Variants in DHRSX observed in about 807,000 individuals in gnomAD.
The protein encoded by DHRSX is dehydrogenase/reductase X-linked.
DHRSX carries 31 observed loss-of-function variants against 34.0 expected under a neutral mutation model. The ratio of observed to expected loss-of-function variants is 0.91; its 90% CI spans 0.69 to 1.23. DHRSX has a LOEUF of 1.23. Among genes scored for constraint, DHRSX ranks in the 50% most tolerant of loss-of-function variants. DHRSX has a pLI of 0.00. For synonymous variants in DHRSX, 201 were observed against 183.8 expected, an observed-to-expected ratio of 1.09 and a Z score of -0.76; for missense variants, 414 against 428.1, an observed-to-expected ratio of 0.97 and a Z score of 0.29.
intron 1 of DHRSX, among the ~76,000 whole-genome samples, chrX:2,438,691 C>T (rs1026938067): frequency 7.0e-6 from 1 of 142,652 alleles, no homozygotes; most frequent in African/African-American, 2.6e-5. Context: ...AAAAAATGGT[C>T]GTTCATTTCA....
intron 4 of DHRSX, among the ~76,000 whole-genome samples, chrX:2,289,408 G>A (rs747692260): frequency 8.5e-5 from 13 of 152,196 alleles, no homozygotes; most frequent in South Asian, 4.1e-4. Flanking sequence ...GTGAGCCACC[G>A]CGCCCGGCCT....
intron 1 of DHRSX, among the ~76,000 whole-genome samples, chrX:2,439,188 T>C (rs1243598918): frequency 1.3e-5 from 2 of 150,340 alleles, no homozygotes; most frequent in East Asian, 3.9e-4. Flanking sequence ...AGCTTAAAAA[T>C]AAAGTAAAAT....
chrX:2,364,084 G>C (rs2042971198), intron 3 of DHRSX, among the ~76,000 whole-genome samples: 1 of 152,116 alleles, frequency 6.6e-6, no homozygotes, highest in Non-Finnish European at 1.5e-5. Flanking sequence ...CAAGATGCGA[G>C]GCTGGGAGTC....
intron 2 of DHRSX, among the ~76,000 whole-genome samples, chrX:2,419,438 T>C (rs1386565386): frequency 6.6e-6 from 1 of 152,074 alleles, no homozygotes; most frequent in Admixed American, 6.6e-5. Context: ...GAACTAGAAA[T>C]ACCATTTGAC....
At chrX:2,438,626 C>T (rs896240448) in intron 1 of DHRSX, among the ~76,000 whole-genome samples, 30 of 150,198 alleles carry the variant, frequency 2.0e-4, no homozygotes, top group African/African-American at 7.4e-4. Flanking sequence ...CGAGATCACG[C>T]CACTGCACTC....
intron 5 of DHRSX, among the ~76,000 whole-genome samples, chrX:2,248,047 C>G (rs1190661935): frequency 6.6e-6 from 1 of 152,132 alleles, no homozygotes; most frequent in Non-Finnish European, 1.5e-5. Flanking sequence ...GCTATAATCC[C>G]GGCACTTTGG....
chrX:2,397,953 CAT>C (rs1300734355), intron 3 of DHRSX, among the ~76,000 whole-genome samples: 12 of 149,716 alleles, frequency 8.0e-5, no homozygotes, highest in Admixed American at 1.3e-4. Flanking sequence ...CACACACACA[CAT>C]AGATACATAT....
At chrX:2,380,951 G>A (rs1251135511) in intron 3 of DHRSX, among the ~76,000 whole-genome samples, 5 of 151,450 alleles carry the variant, frequency 3.3e-5, no homozygotes, top group Admixed American at 1.3e-4. Context: ...TGCAACCTCC[G>A]CCTCCGAGGT....
chrX:2,489,928 G>C, intron 1 of DHRSX: 1 of 1,613,900 alleles, frequency 6.2e-7, no homozygotes, highest in Non-Finnish European at 8.5e-7. Flanking sequence ...TGGCCCCGAA[G>C]ACCTTGGCGC....
At chrX:2,401,976 T>A (rs778430414) in intron 3 of DHRSX, among the ~76,000 whole-genome samples, 35 of 152,274 alleles carry the variant, frequency 2.3e-4, no homozygotes, top group African/African-American at 8.4e-4. Context: ...CTGCCCAGCG[T>A]GGGATCTCAG....
At chrX:2,495,831 C>G (rs965151316) in intron 1 of DHRSX, among the ~76,000 whole-genome samples, 5 of 152,102 alleles carry the variant, frequency 3.3e-5, no homozygotes, top group Admixed American at 3.3e-4. Flanking sequence ...GGCGATTTCA[C>G]GTTTCCAATT....
At position 2,245,977 on chromosome X, in the gene DHRSX, AC is replaced by A. The variant is rs202016474; in HGVS notation, c.597-2748del. ...ACTCCATCTCAAAAAAAACAAAAAA[AC>A]AAAAAAACACACAAACAAAAAAAAA... On this transcript the variant is annotated intron_variant, in intron 5 of 6. Transcript: ENST00000334651. Among the ~76,000 whole-genome samples the A allele has an allele frequency of 8.2e-3, 1,229 of 149,296 alleles. 25 individuals carry two copies. Among genetic ancestry groups the A allele is most frequent in the African/African-American group, 0.029 (1,160 of 40,246 alleles).
intron 3 of DHRSX, among the ~76,000 whole-genome samples, chrX:2,321,413 C>T (rs976983657): frequency 2.0e-5 from 3 of 152,042 alleles, no homozygotes; most frequent in Admixed American, 6.6e-5. Flanking sequence ...GGTGTCACCC[C>T]GAATCTCATG....
At chrX:2,336,599 G>GT (rs1393449765) in intron 3 of DHRSX, among the ~76,000 whole-genome samples, 15 of 144,058 alleles carry the variant, frequency 1.0e-4, no homozygotes, top group Admixed American at 3.6e-4. Context: ...TTTGTTTTTT[G>GT]TTTTGTTTTT....
chrX:2,420,877 A>G lies in DHRSX; in HGVS notation c.217+4320T>C, dbSNP rs540879725. On this transcript the variant is annotated intron_variant, in intron 2 of 6. Transcript: ENST00000334651. The stretch of plus-strand genomic sequence containing the variant: ...AGTGCTCACCTGCTTCCGAAGCTCA[A>G]CAAGTCATTAACTAATCCAACAAGA... Among the ~76,000 whole-genome samples the G allele has an allele frequency of 3.3e-5, 5 of 152,320 alleles. 1 individual carries two copies. Among genetic ancestry groups the G allele is most frequent in the African/African-American group, 9.6e-5 (4 of 41,580 alleles).
At position 2,339,635 on chromosome X, in the gene DHRSX, C is replaced by T. The variant is rs538557920; in HGVS notation, c.287-48032G>A. Among the ~76,000 whole-genome samples the T allele has an allele frequency of 1.1e-4, 16 of 152,120 alleles. 1 individual carries two copies. Among genetic ancestry groups the T allele is most frequent in the African/African-American group, 3.1e-4 (13 of 41,530 alleles). ...GCTTCCACGTATCAGTGACAACAGA[C>T]GATGTTTGGTTTTCCATTCCTGAGT... On this transcript the variant is annotated intron_variant, in intron 3 of 6. Coordinates refer to ENST00000334651, the MANE Select transcript of DHRSX (RefSeq NM_145177.3).
chrX:2,486,145 C>T (rs28572397), intron 1 of DHRSX, among the ~76,000 whole-genome samples: 9,674 of 152,002 alleles, frequency 0.064, 1,007 homozygotes, highest in African/African-American at 0.22. Flanking sequence ...GTGAAGGAAC[C>T]GGCAAAAATC....
chrX:2,457,198 A>G (rs1033284691), intron 1 of DHRSX, among the ~76,000 whole-genome samples: 10 of 152,120 alleles, frequency 6.6e-5, no homozygotes, highest in African/African-American at 2.4e-4. Flanking sequence ...TTTTCTAAGA[A>G]TGTGGCCAAG....
intron 1 of DHRSX, among the ~76,000 whole-genome samples, chrX:2,435,708 T>C (rs2043983130): frequency 6.6e-6 from 1 of 152,192 alleles, no homozygotes; most frequent in South Asian, 2.1e-4. Context: ...AAGGCTGCAG[T>C]GAGCTATGAT....
Sources: gnomAD v4.1 joint callset for allele counts (sites outside exome capture counted in the v4.1 genomes callset) on GRCh38, gnomAD v4.1.1 for gene constraint, MANE v1.5 for transcripts, NCBI Gene and HGNC (gene_info 2026-07-23, HGNC 2026-07-21) for gene names.